CD163L1: variants seen among roughly 807,000 people sequenced by gnomAD.
CD163L1 encodes scavenger receptor cysteine-rich type 1 protein M160.
Under a neutral mutation model 165.4 loss-of-function variants are expected in CD163L1, and 124 were observed. The observed-to-expected ratio is 0.75, with a 90% CI of 0.65 to 0.87. The LOEUF is 0.87. Among genes scored for constraint, CD163L1 ranks in the 40% least tolerant of loss-of-function variants. The probability of loss-of-function intolerance (pLI) is 0.00; values close to 1 mark genes in which losing one functional copy is unlikely to be tolerated. For synonymous variants in CD163L1, 585 were observed against 662.2 expected (o/e 0.88, Z 1.79); for missense variants, 1,525 against 1,799.9 (o/e 0.85, Z 2.76).
intron 4 of CD163L1, among the ~76,000 whole-genome samples, chr12:7,424,900 G>T (rs2136608701): frequency 6.6e-6 from 1 of 152,222 alleles, no homozygotes; most frequent in East Asian, 1.9e-4. Flanking sequence ...TGTGAAAATG[G>T]CCATACTGCC....
chr12:7,326,123 C>T, the CD163L1 span, among the ~76,000 whole-genome samples: 1 of 152,202 alleles, frequency 6.6e-6, no homozygotes, highest in African/African-American at 2.4e-5. Flanking sequence ...TTTGAAACAG[C>T]ATTTCAAAGA....
At chr12:7,341,710 G>C (rs753498142), downstream of CD163L1, among the ~76,000 whole-genome samples, 1 of 152,138 alleles carries the variant, frequency 6.6e-6, no homozygotes, top group Non-Finnish European at 1.5e-5. Flanking sequence ...AAATGGGATG[G>C]GAAACGACCC....
chr12:7,422,144 A>G (rs755630924), intron 4 of CD163L1, among the ~76,000 whole-genome samples: 1 of 152,248 alleles, frequency 6.6e-6, no homozygotes, highest in African/African-American at 2.4e-5. Context: ...ATAACTAGGC[A>G]AATAGGGTCT....
At position 7,369,501 on chromosome 12, in the gene CD163L1, C is replaced by T. The variant is rs772986676; in HGVS notation, c.3895G>A (p.Ala1299Thr). 22 of 1,614,034 alleles carry T rather than the reference C, an allele frequency of 1.4e-5. No individual in the cohort carries two copies. The highest frequency in any genetic ancestry group is 1.2e-4 in the African/African-American group (9 of 74,902). The change falls in exon 15 of 20, where the codon GCT (alanine) becomes ACT (threonine). Residue 1299 changes from alanine (A) to threonine (T), a missense_variant. Ala to Thr is a moderately conservative substitution (Grantham distance 58). Coordinates refer to ENST00000313599, the MANE Select transcript of CD163L1 (RefSeq NM_174941.6). The surrounding 1 kb of genome is among the most constrained non-coding windows in gnomAD (Gnocchi z 4.9). ...CGSALAALRD[A>T]SFGQGTGTIW... ...GTTCCAGTTCCCTGGCCAAACGAAG[C>T]GTCCCTCAGGGCAGCCAGAGCAGAG...
chr12:7,375,822 C>G lies in CD163L1; in HGVS notation c.2564G>C (p.Gly855Ala). Residue 855 changes from glycine to alanine, a missense_variant, in exon 10 of 20, where the codon GGT (glycine) becomes GCT (alanine). Physicochemically the swap from Gly to Ala is moderately conservative, Grantham distance 60 (BLOSUM62 0). Transcript: ENST00000313599. The stretch of plus-strand genomic sequence containing the variant: ...CTGGAACTTTTCGGCCCAAGTTAGA[C>G]CATTCCCTTTTCCAAAGTGATCTCC... ...SVGDHFGKGN[G>A]LTWAEKFQCE... 6.2e-7 allele frequency: 1 copy of G among 1,614,224 alleles called. No individual in the cohort carries two copies.
exon 5 of CD163L1, chr12:7,346,889 A>T (rs1225709796): frequency 6.6e-6 from 1 of 152,178 alleles, no homozygotes; most frequent in Non-Finnish European, 1.5e-5. Flanking sequence ...CCTGTTAGGG[A>T]TTGTGGGAAA....
At chr12:7,388,386 T>C (rs1420418591) in intron 8 of CD163L1, among the ~76,000 whole-genome samples, 1 of 152,202 alleles carries the variant, frequency 6.6e-6, no homozygotes, top group Non-Finnish European at 1.5e-5. Flanking sequence ...AACAGAGTGC[T>C]AATATCCAGA....
At position 7,368,920 on chromosome 12, in the gene CD163L1, C is replaced by T. The variant is rs1255517024; in HGVS notation, c.4072+13G>A. On this transcript the variant is annotated intron_variant, in intron 16 of 19. Coordinates refer to ENST00000313599, the MANE Select transcript of CD163L1 (RefSeq NM_174941.6). This position sits in a 1 kb window ranked among gnomAD's most constrained non-coding sequence, Gnocchi z 4.3. ...AGGTATTTGTGTCAGCACTGATAGGCAGAAGACTATACCTGAGGAGGCATT... is the reference window on the plus strand; with the variant it reads ...AGGTATTTGTGTCAGCACTGATAGGTAGAAGACTATACCTGAGGAGGCATT... The T allele has an allele frequency of 6.2e-7, 1 of 1,613,126 alleles. No individual in the cohort carries two copies. Among genetic ancestry groups the T allele is most frequent in the Non-Finnish European group, 8.5e-7 (1 of 1,179,642 alleles).
intron 2 of CD163L1, among the ~76,000 whole-genome samples, chr12:7,440,361 A>G (rs1397907247): frequency 6.6e-6 from 1 of 150,936 alleles, no homozygotes; most frequent in African/African-American, 2.4e-5. Flanking sequence ...CCATCCCCCC[A>G]CCGCCGCACG....
chr12:7,422,728 A>AAT (rs953649654), intron 4 of CD163L1, among the ~76,000 whole-genome samples: 23 of 134,368 alleles, frequency 1.7e-4, no homozygotes, highest in Admixed American at 1.5e-3. Context: ...TATGTATATG[A>AAT]ATATATATAA....
intron 2 of CD163L1, among the ~76,000 whole-genome samples, chr12:7,440,950 G>A (rs1383532843): frequency 6.6e-6 from 1 of 152,102 alleles, no homozygotes; most frequent in Non-Finnish European, 1.5e-5. Flanking sequence ...CTCTTTATCT[G>A]AAGGAGAAAA....
chr12:7,405,999 T>C (rs1948007586), intron 5 of CD163L1, among the ~76,000 whole-genome samples: 1 of 152,124 alleles, frequency 6.6e-6, no homozygotes, highest in Admixed American at 6.6e-5. Flanking sequence ...AGTTGCAAAC[T>C]AGAAAACAAA....
chr12:7,407,903 T>C (rs1481909980), intron 4 of CD163L1, among the ~76,000 whole-genome samples: 1 of 151,800 alleles, frequency 6.6e-6, no homozygotes, highest in East Asian at 1.9e-4. Context: ...AATCTGCAGA[T>C]GCTCAAGTCC....
At chr12:7,376,314 G>A (rs962588512) in intron 9 of CD163L1, among the ~76,000 whole-genome samples, 3 of 151,966 alleles carry the variant, frequency 2.0e-5, no homozygotes, top group African/African-American at 4.8e-5. Context: ...TAAACAACAC[G>A]TGAAGATTTG....
chr12:7,358,995 A>T (rs1226598376), intron 18 of CD163L1, among the ~76,000 whole-genome samples: 1 of 148,646 alleles, frequency 6.7e-6, no homozygotes, highest in Middle Eastern at 3.5e-3. Context: ...ACAGCTGAGG[A>T]AAAAAAAATC....
intron 2 of CD163L1, among the ~76,000 whole-genome samples, chr12:7,440,385 G>A (rs1257274265): frequency 6.6e-6 from 1 of 151,620 alleles, no homozygotes; most frequent in Admixed American, 6.6e-5. Context: ...AGCGGAAGTG[G>A]GTGCGGGACC....
intron 4 of CD163L1, among the ~76,000 whole-genome samples, chr12:7,427,955 T>G (rs1948572204): frequency 6.6e-6 from 1 of 152,138 alleles, no homozygotes; most frequent in African/African-American, 2.4e-5. Flanking sequence ...TTCAAAAACA[T>G]TCTGGCCTAC....
intron 4 of CD163L1, among the ~76,000 whole-genome samples, chr12:7,421,637 GTACACATATACATATATGTA>G (rs1948435693): frequency 1.1e-5 from 1 of 94,808 alleles, no homozygotes; most frequent in East Asian, 3.7e-4. Context: ...ATACATATAT[GTACACATATACATATATGTA>G]CATATATACA....
At chr12:7,349,007 A>G (rs990104798) in intron 4 of CD163L1, among the ~76,000 whole-genome samples, 13 of 152,136 alleles carry the variant, frequency 8.5e-5, no homozygotes, top group Non-Finnish European at 1.6e-4. Flanking sequence ...ACAATGAGGT[A>G]GACGGTGAAT....
Sources: gnomAD v4.1 joint callset for allele counts (sites outside exome capture counted in the v4.1 genomes callset) on GRCh38, gnomAD v4.1.1 for gene constraint, Gnocchi (gnomAD v3.1) non-coding constraint, MANE v1.5 for transcripts, NCBI Gene and HGNC (gene_info 2026-07-23, HGNC 2026-07-21) for gene names.